Variants in AMBRA1 observed in about 807,000 individuals in gnomAD.
AMBRA1 encodes autophagy and beclin 1 regulator 1.
In AMBRA1, 47 loss-of-function variants were observed where a neutral mutation model predicts 125.4. The ratio of observed to expected loss-of-function variants is 0.37; its 90% CI spans 0.30 to 0.48. The LOEUF is 0.48. Among genes scored for constraint, AMBRA1 ranks in the 20% least tolerant of loss-of-function variants. The pLI, the probability that AMBRA1 is intolerant of heterozygous loss-of-function variation, is 0.99. For synonymous variants in AMBRA1, 626 were observed against 655.5 expected (o/e 0.95, Z 0.69); for missense variants, 1,331 against 1,693.4 (o/e 0.79, Z 3.76).
At chr11:46,579,418 T>C (rs1473312193) in intron 1 of AMBRA1, among the ~76,000 whole-genome samples, 2 of 151,728 alleles carry the variant, frequency 1.3e-5, no homozygotes, top group African/African-American at 4.8e-5. Context: ...GATCACGCCA[T>C]TGCACTCCAG....
chr11:46,585,665 C>CAAAA (rs1157368065), intron 1 of AMBRA1, among the ~76,000 whole-genome samples: 7 of 7,600 alleles, frequency 9.2e-4, no homozygotes, highest in Admixed American at 3.9e-3. Context: ...GACTCCATCT[C>CAAAA]AAAAAAAAAA....
chr11:46,582,110 CAAAAAAA>C (rs753222142), intron 1 of AMBRA1, among the ~76,000 whole-genome samples: 3 of 79,736 alleles, frequency 3.8e-5, no homozygotes, highest in African/African-American at 1.3e-4. Flanking sequence ...GACCCTGTCT[CAAAAAAA>C]AAAAAAAAAA....
At chr11:46,486,000 T>A (rs1950256799) in intron 11 of AMBRA1, among the ~76,000 whole-genome samples, 3 of 152,164 alleles carry the variant, frequency 2.0e-5, no homozygotes, top group Admixed American at 6.5e-5. Flanking sequence ...GAAGGCTGAG[T>A]TCTCTGGGAG....
intron 14 of AMBRA1, among the ~76,000 whole-genome samples, chr11:46,424,567 C>T (rs1311824374): frequency 6.6e-6 from 1 of 152,230 alleles, no homozygotes; most frequent in African/African-American, 2.4e-5. Flanking sequence ...ATTATACTCG[C>T]TGGGCGTGAT....
chr11:46,403,745 GA>G (rs1945872371), intron 17 of AMBRA1, among the ~76,000 whole-genome samples: 1 of 152,152 alleles, frequency 6.6e-6, no homozygotes, highest in African/African-American at 2.4e-5. Flanking sequence ...GGAAGGCCTG[GA>G]AAGAGCTGAA....
intron 1 of AMBRA1, among the ~76,000 whole-genome samples, chr11:46,575,431 TG>T (rs777085970): frequency 6.8e-6 from 1 of 147,548 alleles, no homozygotes; most frequent in Non-Finnish European, 1.5e-5. Context: ...CACTCTAGCC[TG>T]GGCAACAAGA....
intron 14 of AMBRA1, among the ~76,000 whole-genome samples, chr11:46,419,404 CTCTAG>C (rs1186228269): frequency 8.9e-6 from 1 of 112,316 alleles, no homozygotes; most frequent in African/African-American, 3.1e-5. Context: ...AAAACAATAT[CTCTAG>C]ATCTCAACTT....
At chr11:46,436,751 T>G (rs1189281903) in intron 12 of AMBRA1, among the ~76,000 whole-genome samples, 2 of 152,204 alleles carry the variant, frequency 1.3e-5, no homozygotes, top group Non-Finnish European at 2.9e-5. Context: ...GGGAGAAGTT[T>G]CAGAAGTGAG....
intron 7 of AMBRA1, among the ~76,000 whole-genome samples, chr11:46,528,957 C>A (rs1015621566): frequency 1.2e-4 from 18 of 152,170 alleles, no homozygotes; most frequent in African/African-American, 4.3e-4. Context: ...CACGTACCCT[C>A]TGATGCAGCA....
In AMBRA1 at chr11:46,443,513, C is replaced by T; in HGVS notation, c.2607G>A (p.Lys869=). 1.7e-5 allele frequency: 28 copies of T among 1,614,152 alleles called. No individual in the cohort carries two copies. The highest frequency in any genetic ancestry group is 2.4e-5 in the Non-Finnish European group (28 of 1,179,996). Residue 869 remains lysine, a synonymous_variant, in exon 12 of 18, where the codon AAG becomes AAA. Transcript: ENST00000683756. ...CATTACTGATTTCAGGGAGGTCAAA[C>T]TTAGTGAAGTCCCACCACTGGAGCC... is the stretch of plus-strand genomic sequence containing the variant. ...TYRLQWWDFT[K]FDLPEISNAS...
chr11:46,547,981 G>C (rs555592363), intron 2 of AMBRA1, 106 bp from the exon 3 acceptor site: 1 of 1,359,594 alleles, frequency 7.4e-7, no homozygotes, highest in Admixed American at 2.2e-5. Context: ...TCACAGTGTA[G>C]GCTTAAAAAC....
In AMBRA1 at chr11:46,539,677, G is replaced by GA. The variant is rs571163757; in HGVS notation, c.2072+2267dup. Among the ~76,000 whole-genome samples, 18 of 152,274 alleles carry GA rather than the reference G, an allele frequency of 1.2e-4. No homozygotes were observed. In the South Asian group the frequency reaches 3.7e-3, roughly 32 times the overall value. On this transcript the variant is annotated intron_variant, in intron 7 of 17. Coordinates refer to ENST00000683756, the MANE Select transcript of AMBRA1 (RefSeq NM_001387011.1). ...AGACCTATTATATGATCTTTCACAA[G>GA]AAACTGACTTCCCTGAGCCTCACTT...
At chr11:46,534,873 C>T (rs1210956827) in intron 7 of AMBRA1, among the ~76,000 whole-genome samples, 1 of 152,008 alleles carries the variant, frequency 6.6e-6, no homozygotes, top group Non-Finnish European at 1.5e-5. Flanking sequence ...AGGGTTTCAC[C>T]ATGTTGCCCA....
chr11:46,579,939 C>T (rs1389009273), intron 1 of AMBRA1, among the ~76,000 whole-genome samples: 3 of 152,218 alleles, frequency 2.0e-5, no homozygotes, highest in Non-Finnish European at 4.4e-5. Flanking sequence ...TCTTGAACTC[C>T]TGACCTCATG....
At position 46,547,113 on chromosome 11, in the gene AMBRA1, G is replaced by A. The variant is rs752674159; in HGVS notation, c.378C>T (p.His126=). Residue 126 remains histidine (H), a splice_region_variant and synonymous_variant, in exon 4 of 18, where the codon CAC becomes CAT. Transcript: ENST00000683756. ...AAGGGTATCTTAAGGAAATACTCAC[G>A]TGTAAATCCCAAATCCTAACCTCCC... The part of the protein sequence containing the change: ...LDGEVRIWDL[H]GGSESWFTDS... The A allele has an allele frequency of 2.1e-5, 33 of 1,598,222 alleles. No individual in the cohort carries two copies. Among genetic ancestry groups the A allele is most frequent in the East Asian group, 4.5e-5 (2 of 44,770 alleles).
chr11:46,432,258 C>G (rs774553145), intron 14 of AMBRA1, among the ~76,000 whole-genome samples: 2 of 152,108 alleles, frequency 1.3e-5, no homozygotes, highest in Non-Finnish European at 2.9e-5. Context: ...AATGATAGCA[C>G]AAGGAACGAG....
intron 11 of AMBRA1, among the ~76,000 whole-genome samples, chr11:46,473,604 A>G (rs1016530490): frequency 6.6e-6 from 1 of 152,252 alleles, no homozygotes; most frequent in East Asian, 1.9e-4. Context: ...AATAGCAATA[A>G]TAAGTATTGA....
chr11:46,488,911 TTTTTTTGTG>T (rs1950362375), intron 11 of AMBRA1, among the ~76,000 whole-genome samples: 1 of 152,080 alleles, frequency 6.6e-6, no homozygotes, highest in African/African-American at 2.4e-5. Context: ...GGTTTTTTTG[TTTTTTTGTG>T]TTTTTTGAGA....
intron 11 of AMBRA1, among the ~76,000 whole-genome samples, chr11:46,477,365 T>G (rs1054271080): frequency 5.3e-5 from 8 of 151,570 alleles, no homozygotes; most frequent in African/African-American, 1.7e-4. Flanking sequence ...TCACTCAGAC[T>G]GGAGTGCAGT....
Sources: gnomAD v4.1 joint callset for allele counts (sites outside exome capture counted in the v4.1 genomes callset) on GRCh38, gnomAD v4.1.1 for gene constraint, MANE v1.5 for transcripts, NCBI Gene and HGNC (gene_info 2026-07-23, HGNC 2026-07-21) for gene names.